Variants in TOGARAM1 observed in about 807,000 individuals in gnomAD.
The protein encoded by TOGARAM1 is TOG array regulator of axonemal microtubules 1.
Under a neutral mutation model 166.6 loss-of-function variants are expected in TOGARAM1, and 100 were observed. That is an observed-to-expected ratio of 0.60 (90% CI 0.51 to 0.71). The LOEUF is 0.71. Among genes scored for constraint, TOGARAM1 ranks in the 30% least tolerant of loss-of-function variants. The probability of loss-of-function intolerance (pLI) is 0.00; values close to 1 mark genes in which losing one functional copy is unlikely to be tolerated. For synonymous variants in TOGARAM1, 758 were observed against 763.8 expected, an observed-to-expected ratio of 0.99 and a Z score of 0.13; for missense variants, 2,029 against 2,102.7, an observed-to-expected ratio of 0.96 and a Z score of 0.69.
At chr14:45,038,035 A>G (rs988989420) in intron 11 of TOGARAM1, among the ~76,000 whole-genome samples, 1 of 152,090 alleles carries the variant, frequency 6.6e-6, no homozygotes, top group Non-Finnish European at 1.5e-5. Context: ...AAGAAAAAAG[A>G]AAAAAGTAAA....
chr14:45,041,537 G>A (rs1196211363), intron 11 of TOGARAM1, among the ~76,000 whole-genome samples: 1 of 152,202 alleles, frequency 6.6e-6, no homozygotes, highest in Non-Finnish European at 1.5e-5. Flanking sequence ...TCATCTCATT[G>A]ATTGAGGCTA....
At chr14:45,048,448 T>C (rs1882195392) in intron 14 of TOGARAM1, among the ~76,000 whole-genome samples, 1 of 152,166 alleles carries the variant, frequency 6.6e-6, no homozygotes, top group South Asian at 2.1e-4. Flanking sequence ...GGAGTTAATA[T>C]TATGGAACTC....
At chr14:45,012,554 C>G (rs1879870230) in intron 7 of TOGARAM1, among the ~76,000 whole-genome samples, 1 of 152,158 alleles carries the variant, frequency 6.6e-6, no homozygotes, top group Admixed American at 6.6e-5. Flanking sequence ...TTTATAACAT[C>G]ACTTCTCAGA....
intron 3 of TOGARAM1, among the ~76,000 whole-genome samples, chr14:45,003,225 G>A (rs1233811874): frequency 6.6e-6 from 1 of 152,042 alleles, no homozygotes; most frequent in Non-Finnish European, 1.5e-5. Context: ...ATATACAGTT[G>A]TTTAAGTCCT....
Position 45,032,284 on chromosome 14 carries a change from T to G in TOGARAM1, c.3720T>G (p.Ser1240Arg), listed in dbSNP as rs755970094. 17 of 1,613,834 alleles carry G rather than the reference T, an allele frequency of 1.1e-5. No individual in the cohort carries two copies. Among genetic ancestry groups the G allele is most frequent in the Middle Eastern group, 1.6e-4 (1 of 6,084 alleles). ...YKERMPSVTH[S>R]PEIMDLSELR... ...AAAGGATGCCTTCTGTCACTCATAGTCCAGAAATAATGGATCTGTCAGAAC... is the reference window on the plus strand; with the variant it reads ...AAAGGATGCCTTCTGTCACTCATAGGCCAGAAATAATGGATCTGTCAGAAC... The change falls in exon 11 of 20, where the codon AGT (serine) becomes AGG (arginine). Residue 1240 changes from serine to arginine, a missense_variant. Around this residue, in one of 2 missense-constraint regions of TOGARAM1, gnomAD observed 576 missense variants for 670.5 expected, o/e 0.86. Transcript: ENST00000361462.
intron 11 of TOGARAM1, among the ~76,000 whole-genome samples, chr14:45,033,825 A>G (rs1049001424): frequency 6.6e-6 from 1 of 152,214 alleles, no homozygotes; most frequent in African/African-American, 2.4e-5. Flanking sequence ...ATTTGCCCTC[A>G]TAACGTGAAA....
At chr14:45,028,087 TC>T in intron 9 of TOGARAM1, 88 bp from the exon 10 acceptor site, 1 of 1,122,314 alleles carries the variant, frequency 8.9e-7, no homozygotes, top group Non-Finnish European at 1.3e-6. Context: ...CAGACTAATA[TC>T]CTCAGACACA....
At chr14:44,976,398 CA>C (rs1312037328) in intron 1 of TOGARAM1, among the ~76,000 whole-genome samples, 4 of 152,176 alleles carry the variant, frequency 2.6e-5, no homozygotes, top group African/African-American at 9.7e-5. Context: ...TCACGTGCCC[CA>C]TCTCATCCTA....
At chr14:45,020,829 CAA>C (rs1186955871) in intron 7 of TOGARAM1, among the ~76,000 whole-genome samples, 5 of 152,130 alleles carry the variant, frequency 3.3e-5, no homozygotes, top group Admixed American at 3.3e-4. Flanking sequence ...AGATTGGAAA[CAA>C]GAGGTCCTAC....
intron 1 of TOGARAM1, among the ~76,000 whole-genome samples, chr14:44,967,289 C>T (rs557548206): frequency 1.3e-5 from 2 of 152,198 alleles, no homozygotes; most frequent in East Asian, 3.9e-4. Context: ...AATCTCCCTT[C>T]GTTCACAATA....
chr14:45,072,438 A>G (rs1456160736), intron 19 of TOGARAM1, among the ~76,000 whole-genome samples: 3 of 148,956 alleles, frequency 2.0e-5, no homozygotes, highest in African/African-American at 7.4e-5. Flanking sequence ...TTTTTTTTTT[A>G]ATGTTTGAGA....
At chr14:44,972,452 A>G (rs1432866920) in intron 1 of TOGARAM1, among the ~76,000 whole-genome samples, 1 of 152,020 alleles carries the variant, frequency 6.6e-6, no homozygotes, top group East Asian at 1.9e-4. Flanking sequence ...GGATCTGTCC[A>G]TTTCTGATTG....
chr14:44,987,982 A>T (rs928443824), intron 1 of TOGARAM1, among the ~76,000 whole-genome samples: 1 of 151,958 alleles, frequency 6.6e-6, no homozygotes, highest in Non-Finnish European at 1.5e-5. Flanking sequence ...GGAAACCATC[A>T]TTCTCAGCAA....
At chr14:44,964,951 T>TG (rs1285530238) in intron 1 of TOGARAM1, among the ~76,000 whole-genome samples, 1 of 85,906 alleles carries the variant, frequency 1.2e-5, no homozygotes, top group Admixed American at 1.3e-4. Flanking sequence ...ACTAGAAAAG[T>TG]AAAAAAAAAA....
Position 45,000,315 on chromosome 14 carries a change from T to C in TOGARAM1, c.2338+818T>C, listed in dbSNP as rs919551939. On this transcript the variant is annotated intron_variant, in intron 3 of 19. Coordinates refer to ENST00000361462, the MANE Select transcript of TOGARAM1 (RefSeq NM_001308120.2). ...TGCCCGGCCTCTTATTTTATTTTTGTACGCATTAACTACCTTCTCTTTATT... is the reference window on the plus strand; with the variant it reads ...TGCCCGGCCTCTTATTTTATTTTTGCACGCATTAACTACCTTCTCTTTATT... 2.6e-5 allele frequency among the ~76,000 whole-genome samples: 4 copies of C among 152,166 alleles called. No homozygotes were observed. The East Asian group carries it at 5.8e-4, about 22-fold the overall frequency.
intron 12 of TOGARAM1, 81 bp downstream of exon 12, chr14:45,043,872 T>G: frequency 1.2e-6 from 1 of 804,626 alleles, no homozygotes; most frequent in Non-Finnish European, 2.1e-6. Context: ...CCTTTAAAAT[T>G]TTTAAACAAC....
Position 45,006,184 on chromosome 14 carries a change from G to C in TOGARAM1, c.2821G>C (p.Asp941His). 2 of 1,613,918 alleles carry C rather than the reference G, an allele frequency of 1.2e-6. No homozygotes were observed. Among genetic ancestry groups the C allele is most frequent in the Non-Finnish European group, 1.7e-6 (2 of 1,179,912 alleles). ...TVGHKKKEPDDIWKCEKDSLP... is the reference protein window; with the variant it reads ...TVGHKKKEPDHIWKCEKDSLP... ...GGGACACAAAAAGAAAGAGCCTGAT[G>C]ATATTTGGAAGTGTGAAAAAGATAG... The change falls in exon 5 of 20, where the codon GAT (aspartate) becomes CAT (histidine). Residue 941 changes from aspartate (D) to histidine (H), a missense_variant. By Grantham distance (81) the Asp-to-His change is moderately conservative (BLOSUM62 -1). This residue lies in a region of TOGARAM1 where 1,453 missense variants were observed against 1,432.2 expected (regional missense o/e 1.01). Transcript: ENST00000361462.
chr14:44,980,842 C>T (rs955560804), intron 1 of TOGARAM1, among the ~76,000 whole-genome samples: 1 of 152,080 alleles, frequency 6.6e-6, no homozygotes, highest in Non-Finnish European at 1.5e-5. Context: ...GGGAGGGGGT[C>T]TTTTCTTTTT....
At chr14:45,003,769 G>GGA (rs1566625089) in intron 3 of TOGARAM1, among the ~76,000 whole-genome samples, 1 of 151,684 alleles carries the variant, frequency 6.6e-6, no homozygotes, top group Non-Finnish European at 1.5e-5. Flanking sequence ...TCTCTGACAT[G>GGA]TGTGTATATG....
Sources: allele counts gnomAD v4.1 joint callset (sites outside exome capture counted in the v4.1 genomes callset), GRCh38; gene constraint gnomAD v4.1.1; regional missense constraint gnomAD v4.1.1; transcripts MANE v1.5; gene names NCBI Gene and HGNC (gene_info 2026-07-23, HGNC 2026-07-21).